TRDN: variants seen among roughly 807,000 people sequenced by gnomAD.
The protein encoded by TRDN is triadin in skeletal muscle.
Under a neutral mutation model 149.7 loss-of-function variants are expected in TRDN, and 161 were observed. The ratio of observed to expected loss-of-function variants is 1.08; its 90% confidence interval spans 0.95 to 1.23. TRDN has a LOEUF of 1.23. Ranked by LOEUF, TRDN falls within the 50% of genes most tolerant of loss-of-function variation. The pLI is 0.00. For missense variants in TRDN, 896 were observed against 823.5 expected (o/e 1.09, Z -1.08); for synonymous variants, 294 against 250.5 (o/e 1.17, Z -1.64).
At chr6:123,431,777 C>A (rs993140308) in intron 12 of TRDN, among the ~76,000 whole-genome samples, 3 of 152,092 alleles carry the variant, frequency 2.0e-5, no homozygotes, top group Non-Finnish European at 4.4e-5. Flanking sequence ...TTTAAGTGAT[C>A]TGTAGTCTGC....
chr6:123,374,716 A>C (rs1287731145), intron 19 of TRDN, among the ~76,000 whole-genome samples: 4 of 152,104 alleles, frequency 2.6e-5, no homozygotes, highest in Non-Finnish European at 5.9e-5. Context: ...GCGGAGGTGC[A>C]GTGAGCCAAG....
chr6:123,575,259 G>T (rs1208179988), intron 1 of TRDN, among the ~76,000 whole-genome samples: 2 of 151,814 alleles, frequency 1.3e-5, no homozygotes, highest in Non-Finnish European at 2.9e-5. Flanking sequence ...ATTATGTGTT[G>T]CCCTTGTTAT....
intron 36 of TRDN, 119 bp downstream of exon 36, chr6:123,255,748 C>A: frequency 2.0e-6 from 1 of 510,734 alleles, no homozygotes; most frequent in Non-Finnish European, 3.2e-6. Context: ...TTTACTCAGG[C>A]TAACACTCAT....
chr6:123,539,760 A>C (rs1339822234), intron 4 of TRDN, among the ~76,000 whole-genome samples: 1 of 152,236 alleles, frequency 6.6e-6, no homozygotes, highest in South Asian at 2.1e-4. Context: ...ATTTATATAC[A>C]TTAGCCATTG....
intron 9 of TRDN, among the ~76,000 whole-genome samples, chr6:123,481,972 C>T (rs1777769729): frequency 6.6e-6 from 1 of 152,134 alleles, no homozygotes; most frequent in Non-Finnish European, 1.5e-5. Context: ...TTTTTAATCA[C>T]TCTGTTAAAC....
chr6:123,497,195 G>A lies in TRDN; in HGVS notation c.851C>T (p.Pro284Leu). 1 of 1,548,222 alleles carries A rather than the reference G, an allele frequency of 6.5e-7. No homozygotes were observed. The highest frequency in any genetic ancestry group is 8.7e-7 in the Non-Finnish European group (1 of 1,148,108). ...AGTACAAGAATTGCTTGGAATACCT[G>A]GTTTTAAATCCCCATGGACAAATAT... ...IDIFVHGDLK[P>L]GQSPAIPPPL... The change falls in exon 9 of 41, where the codon CCA becomes CTA. Residue 284 changes from proline to leucine, a missense_variant and splice_region_variant. Transcript: ENST00000334268.
intron 5 of TRDN, among the ~76,000 whole-genome samples, chr6:123,516,479 T>G (rs1473260125): frequency 6.6e-6 from 1 of 152,110 alleles, no homozygotes; most frequent in African/African-American, 2.4e-5. Context: ...TCCAAATCTT[T>G]AATTGAAATA....
chr6:123,299,308 T>C (rs1352372126), intron 24 of TRDN, among the ~76,000 whole-genome samples: 1 of 152,024 alleles, frequency 6.6e-6, no homozygotes, highest in Non-Finnish European at 1.5e-5. Flanking sequence ...TTGATGGACA[T>C]GGCTAAAGTA....
chr6:123,221,953 C>T (rs1775163600), intron 39 of TRDN, among the ~76,000 whole-genome samples: 1 of 151,690 alleles, frequency 6.6e-6, no homozygotes, highest in Non-Finnish European at 1.5e-5. Flanking sequence ...CGTGATCATC[C>T]TTGCCATGAA....
intron 24 of TRDN, among the ~76,000 whole-genome samples, chr6:123,311,356 A>T (rs1210039616): frequency 6.6e-6 from 1 of 151,966 alleles, no homozygotes; most frequent in African/African-American, 2.4e-5. Context: ...ACACATGAGG[A>T]TTATGGGGAT....
intron 39 of TRDN, among the ~76,000 whole-genome samples, chr6:123,223,753 G>A (rs1775249985): frequency 7.0e-6 from 1 of 142,114 alleles, no homozygotes; most frequent in South Asian, 2.2e-4. Context: ...TGCTAATATA[G>A]GTGACTCATC....
chr6:123,252,323 C>G (rs1776402029), intron 38 of TRDN, 89 bp downstream of exon 38: 4 of 832,020 alleles, frequency 4.8e-6, no homozygotes, highest in Non-Finnish European at 5.5e-6. Flanking sequence ...ATACTGAACA[C>G]TTCAAAAATA....
At chr6:123,548,760 C>T (rs1562380440) in intron 2 of TRDN, 148 bp from the exon 3 acceptor site, 8 of 719,546 alleles carry the variant, frequency 1.1e-5, no homozygotes, top group South Asian at 5.1e-5. Context: ...CAATTTTTTG[C>T]GCAGAAATAG....
At chr6:123,287,182 T>C (rs1396188099) in intron 24 of TRDN, among the ~76,000 whole-genome samples, 1 of 152,300 alleles carries the variant, frequency 6.6e-6, no homozygotes, top group South Asian at 2.1e-4. Context: ...TGAATTCGTA[T>C]ATTCAGTTAA....
intron 1 of TRDN, among the ~76,000 whole-genome samples, chr6:123,575,512 C>T (rs1252058089): frequency 3.3e-5 from 5 of 152,094 alleles, no homozygotes; most frequent in African/African-American, 4.8e-5. Flanking sequence ...AGCAATTTGA[C>T]ATGGGCTATG....
chr6:123,610,333 A>G (rs973861332), intron 1 of TRDN, among the ~76,000 whole-genome samples: 1 of 152,172 alleles, frequency 6.6e-6, no homozygotes, highest in African/African-American at 2.4e-5. Context: ...CTTCAAATCA[A>G]TGCAGCCTCT....
chr6:123,285,639 T>C (rs2114640387), intron 24 of TRDN, among the ~76,000 whole-genome samples: 1 of 152,150 alleles, frequency 6.6e-6, no homozygotes, highest in Admixed American at 6.6e-5. Context: ...AAAGACTTCA[T>C]GAACAAGAAT....
At position 123,247,812 on chromosome 6, in the gene TRDN, C is replaced by T. The variant is rs144632834; in HGVS notation, c.1975+4600G>A. Among the ~76,000 whole-genome samples, 833 of 152,218 alleles carry T rather than the reference C, an allele frequency of 5.5e-3. 28 individuals are homozygous for T. In the South Asian group the frequency reaches 0.077, roughly 14 times the overall value. ...TCAAGACAATCCTAAGCAAAAGGAA[C>T]AAAGCTTGAGGCATCATGCTACCTG... On this transcript the variant is annotated intron_variant, in intron 38 of 40. Coordinates refer to ENST00000334268, the MANE Select transcript of TRDN (RefSeq NM_006073.4).
At chr6:123,390,224 T>G (rs1782056072) in intron 13 of TRDN, among the ~76,000 whole-genome samples, 1 of 152,130 alleles carries the variant, frequency 6.6e-6, no homozygotes, top group African/African-American at 2.4e-5. Flanking sequence ...GGGCTCAGAA[T>G]GTGAATACAT....
Sources: gnomAD v4.1 joint callset for allele counts (sites outside exome capture counted in the v4.1 genomes callset) on GRCh38, gnomAD v4.1.1 for gene constraint, MANE v1.5 for transcripts, NCBI Gene and HGNC (gene_info 2026-07-23, HGNC 2026-07-21) for gene names.